The following CTIF variants were observed in gnomAD, a reference collection of about 807,000 sequenced individuals.
The protein encoded by CTIF is cap binding complex dependent translation initiation factor.
Under a neutral mutation model 66.0 loss-of-function variants are expected in CTIF, and 21 were observed. The observed-to-expected ratio is 0.32, with a 90% CI of 0.23 to 0.46. CTIF has a LOEUF of 0.46. Among genes scored for constraint, CTIF ranks in the 20% least tolerant of loss-of-function variants. The pLI is 1.00. For missense variants in CTIF, 739 were observed against 812.7 expected (o/e 0.91, Z 1.10); for synonymous variants, 345 against 326.4 (o/e 1.06, Z -0.62).
At chr18:48,836,357 G>A (rs917695343) in intron 10 of CTIF, among the ~76,000 whole-genome samples, 1 of 152,312 alleles carries the variant, frequency 6.6e-6, no homozygotes, top group Admixed American at 6.5e-5. Context: ...TTCAAGGCCT[G>A]ATTCTAAGGG....
At chr18:48,837,611 A>G (rs7234660) in intron 10 of CTIF, among the ~76,000 whole-genome samples, 5,593 of 152,172 alleles carry the variant, frequency 0.037, 312 homozygotes, top group African/African-American at 0.12. Context: ...TGCCACTCCC[A>G]TCCACCTGAA....
At chr18:48,630,252 T>C (rs1281923213) in intron 2 of CTIF, among the ~76,000 whole-genome samples, 1 of 152,014 alleles carries the variant, frequency 6.6e-6, no homozygotes. Context: ...CCACCCACGG[T>C]TTCAGGCATC....
chr18:48,580,220 C>T (rs186679957), intron 1 of CTIF, among the ~76,000 whole-genome samples: 4 of 152,312 alleles, frequency 2.6e-5, no homozygotes, highest in African/African-American at 7.2e-5. Flanking sequence ...CTGTGGCTGT[C>T]GTCACGGGTA....
chr18:48,836,449 C>A (rs1302105985), intron 10 of CTIF, among the ~76,000 whole-genome samples: 1 of 152,122 alleles, frequency 6.6e-6, no homozygotes, highest in East Asian at 1.9e-4. Context: ...ACCCTGCTGC[C>A]CCCTAAGATG....
intron 6 of CTIF, among the ~76,000 whole-genome samples, chr18:48,702,612 A>C (rs1053408878): frequency 6.6e-6 from 1 of 152,184 alleles, no homozygotes; most frequent in Non-Finnish European, 1.5e-5. Flanking sequence ...AGCTTCCAGA[A>C]ATTCCATGTT....
chr18:48,660,202 T>C (rs531767775), intron 3 of CTIF, among the ~76,000 whole-genome samples: 1 of 151,504 alleles, frequency 6.6e-6, no homozygotes, highest in Admixed American at 6.6e-5. Context: ...CCTGAGTTGT[T>C]GTAAGGAGCT....
At chr18:48,582,586 T>G (rs1341811665) in intron 1 of CTIF, among the ~76,000 whole-genome samples, 2 of 152,088 alleles carry the variant, frequency 1.3e-5, no homozygotes, top group Non-Finnish European at 2.9e-5. Flanking sequence ...CCCTATGTGC[T>G]GTGGTGCCTG....
intron 1 of CTIF, among the ~76,000 whole-genome samples, chr18:48,585,251 A>G (rs73956931): frequency 6.8e-4 from 104 of 152,350 alleles, no homozygotes; most frequent in African/African-American, 2.4e-3. Flanking sequence ...AAGAAAATCT[A>G]TCTTTATGTT....
At chr18:48,749,191 T>G (rs1907548520) in intron 7 of CTIF, among the ~76,000 whole-genome samples, 1 of 152,018 alleles carries the variant, frequency 6.6e-6, no homozygotes, top group Non-Finnish European at 1.5e-5. Context: ...AACTTCCAGG[T>G]CAATCAACTC....
At chr18:48,779,491 G>T (rs1911006666) in intron 9 of CTIF, among the ~76,000 whole-genome samples, 1 of 152,172 alleles carries the variant, frequency 6.6e-6, no homozygotes, top group African/African-American at 2.4e-5. Flanking sequence ...ATCTGGAGGG[G>T]GTCAGTTATA....
In CTIF at chr18:48,860,257, G is replaced by A; in HGVS notation, c.*698G>A. The A allele has an allele frequency of 3.3e-6, 1 of 303,274 alleles. No individual in the cohort carries two copies. Among genetic ancestry groups the A allele is most frequent in the Non-Finnish European group, 6.5e-6 (1 of 153,088 alleles). 18.8% of individuals were successfully genotyped at this position (303,274 alleles called of 1,614,324 possible). A position where few individuals can be genotyped will look rare whatever the true frequency, so the allele number is the denominator to read the frequency against. On this transcript the variant is annotated 3_prime_UTR_variant, in exon 12 of 12. Transcript: ENST00000256413. Reference sequence around the variant, plus strand: ...CCACTTGCACTCTTTTGTTTATTGTGTTTTATTTTTCAAAAGTCGGTTGCT... The same window carrying A: ...CCACTTGCACTCTTTTGTTTATTGTATTTTATTTTTCAAAAGTCGGTTGCT...
intron 9 of CTIF, among the ~76,000 whole-genome samples, chr18:48,796,228 C>CGGTG (rs1568226019): frequency 6.6e-6 from 1 of 151,816 alleles, no homozygotes; most frequent in Non-Finnish European, 1.5e-5. Context: ...GGCTGGAGTG[C>CGGTG]AGTGGTGTGA....
At chr18:48,590,614 A>G (rs1199168958) in intron 1 of CTIF, among the ~76,000 whole-genome samples, 1 of 152,178 alleles carries the variant, frequency 6.6e-6, no homozygotes, top group African/African-American at 2.4e-5. Flanking sequence ...CCTTCCCTGG[A>G]ACCATGCTGC....
chr18:48,732,020 T>C (rs941625764), intron 7 of CTIF, among the ~76,000 whole-genome samples: 4 of 152,242 alleles, frequency 2.6e-5, no homozygotes, highest in African/African-American at 9.6e-5. Flanking sequence ...CAGGCCACCA[T>C]TGGCCAATTC....
At chr18:48,700,472 G>T (rs759645106) in intron 6 of CTIF, among the ~76,000 whole-genome samples, 4 of 152,232 alleles carry the variant, frequency 2.6e-5, no homozygotes, top group Non-Finnish European at 5.9e-5. Context: ...TGAGGCCTTG[G>T]AGGCTTCCCC....
chr18:48,702,724 C>G (rs2092099964), intron 6 of CTIF, among the ~76,000 whole-genome samples: 1 of 151,986 alleles, frequency 6.6e-6, no homozygotes, highest in African/African-American at 2.4e-5. Context: ...GTTAGAAAAC[C>G]ACAAATTTAA....
chr18:48,562,842 CCA>C (rs2089193251), intron 1 of CTIF, among the ~76,000 whole-genome samples: 1 of 152,168 alleles, frequency 6.6e-6, no homozygotes, highest in Non-Finnish European at 1.5e-5. Context: ...TTGCCATGCC[CCA>C]CACAAATATG....
At chr18:48,719,758 C>A (rs968650337) in intron 7 of CTIF, among the ~76,000 whole-genome samples, 8 of 152,140 alleles carry the variant, frequency 5.3e-5, no homozygotes, top group Admixed American at 1.3e-4. Context: ...CATTTTTGTG[C>A]TTTTCCTTGG....
intron 1 of CTIF, among the ~76,000 whole-genome samples, chr18:48,600,376 C>T (rs1467616148): frequency 6.6e-6 from 1 of 152,074 alleles, no homozygotes; most frequent in Non-Finnish European, 1.5e-5. Context: ...CCCATGGGCA[C>T]CTTTGTAACT....
Sources: allele counts gnomAD v4.1 joint callset (sites outside exome capture counted in the v4.1 genomes callset), GRCh38; gene constraint gnomAD v4.1.1; transcripts MANE v1.5; gene names NCBI Gene and HGNC (gene_info 2026-07-23, HGNC 2026-07-21).